The following ASIC2 variants were observed in gnomAD, a reference collection of about 807,000 sequenced individuals.
ASIC2 encodes the protein acid sensing ion channel subunit 2, also known as acid-sensing ion channel 2.
Under a neutral mutation model 57.3 loss-of-function variants are expected in ASIC2, and 25 were observed. That is an observed-to-expected ratio of 0.44 (90% confidence interval 0.32 to 0.61). ASIC2 has a LOEUF of 0.61. Ranked by LOEUF, ASIC2 falls within the 20% of genes least tolerant of loss-of-function variation. The pLI, the probability that ASIC2 is intolerant of heterozygous loss-of-function variation, is 0.06. For synonymous variants in ASIC2, 319 were observed against 307.5 expected, an observed-to-expected ratio of 1.04 and a Z score of -0.39; for missense variants, 641 against 738.1, an observed-to-expected ratio of 0.87 and a Z score of 1.52.
chr17:33,758,744 G>A (rs1316200698), intron 1 of ASIC2, among the ~76,000 whole-genome samples: 1 of 152,128 alleles, frequency 6.6e-6, no homozygotes, highest in Non-Finnish European at 1.5e-5. Context: ...GTGATACCCT[G>A]TGCCGCCCCA....
intron 1 of ASIC2, among the ~76,000 whole-genome samples, chr17:33,395,139 C>T (rs1344630054): frequency 2.6e-5 from 4 of 151,732 alleles, no homozygotes; most frequent in Non-Finnish European, 4.4e-5. Flanking sequence ...CTCATCCACA[C>T]ATTCCCCCCC....
chr17:33,880,011 T>C lies in ASIC2; in HGVS notation c.555+275967A>G, dbSNP rs1914660082. Among the ~76,000 whole-genome samples, 4 of 152,142 alleles carry C rather than the reference T, an allele frequency of 2.6e-5. No individual in the cohort carries two copies. The South Asian group carries it at 8.3e-4, about 32-fold the overall frequency. Reference sequence around the variant, plus strand: ...AACCTGCTCCTGAATGACTACTGGGTACATAACGAAATGAAGGCAGAAATA... The same window carrying C: ...AACCTGCTCCTGAATGACTACTGGGCACATAACGAAATGAAGGCAGAAATA... On this transcript the variant is annotated intron_variant, in intron 1 of 9. Coordinates refer to the ASIC2 transcript ENST00000359872.
At chr17:33,568,674 C>T (rs1197894570) in intron 1 of ASIC2, among the ~76,000 whole-genome samples, 11 of 152,180 alleles carry the variant, frequency 7.2e-5, no homozygotes, top group Non-Finnish European at 1.0e-4. Context: ...TCTAGATATA[C>T]ATAAACTATA....
chr17:33,526,675 T>A (rs1446483117), intron 1 of ASIC2, among the ~76,000 whole-genome samples: 1 of 152,148 alleles, frequency 6.6e-6, no homozygotes, highest in Non-Finnish European at 1.5e-5. Flanking sequence ...GCCAGGGCAT[T>A]GGTGGTACTC....
At chr17:33,823,529 T>C (rs141077761) in intron 1 of ASIC2, among the ~76,000 whole-genome samples, 1 of 152,324 alleles carries the variant, frequency 6.6e-6, no homozygotes, top group Non-Finnish European at 1.5e-5. Flanking sequence ...TCCAGCCGTG[T>C]CTGTGAGTAG....
At chr17:33,590,108 C>T (rs1169071970) in intron 1 of ASIC2, among the ~76,000 whole-genome samples, 1 of 152,160 alleles carries the variant, frequency 6.6e-6, no homozygotes, top group African/African-American at 2.4e-5. Flanking sequence ...AGAAGTGCGA[C>T]TCTGGGTTCA....
At chr17:33,100,748 A>G (rs1191247673) in intron 2 of ASIC2, among the ~76,000 whole-genome samples, 1 of 152,222 alleles carries the variant, frequency 6.6e-6, no homozygotes, top group African/African-American at 2.4e-5. Flanking sequence ...TGCCTGGCAC[A>G]CAGTAGGTAT....
chr17:33,688,575 G>A (rs1908267637), intron 1 of ASIC2, among the ~76,000 whole-genome samples: 1 of 152,184 alleles, frequency 6.6e-6, no homozygotes, highest in Non-Finnish European at 1.5e-5. Flanking sequence ...AGGGAACAAA[G>A]CGACTGTTGT....
At position 33,186,414 on chromosome 17, in the gene ASIC2, T is replaced by C. The variant is rs552523173; in HGVS notation, c.709-74347A>G. Among the ~76,000 whole-genome samples the C allele has an allele frequency of 1.2e-4, 19 of 152,294 alleles. No homozygotes were observed. The South Asian group carries it at 2.7e-3, about 22-fold the overall frequency. On this transcript the variant is annotated intron_variant, in intron 1 of 9. Transcript: ENST00000225823. ...GTATGAACCACCACCCCTGGCCTTA[T>C]ACATCATCTTAATGGGCATTTCTCG...
intron 1 of ASIC2, among the ~76,000 whole-genome samples, chr17:34,109,170 T>C (rs955506767): frequency 3.3e-5 from 5 of 152,128 alleles, no homozygotes; most frequent in African/African-American, 4.8e-5. Context: ...GTTGCGTCTT[T>C]TCTTATCTTT....
chr17:33,377,805 G>A (rs999329905), intron 1 of ASIC2, among the ~76,000 whole-genome samples: 9 of 152,208 alleles, frequency 5.9e-5, no homozygotes, highest in Admixed American at 5.9e-4. Context: ...ATATGACTCA[G>A]CCAGTTCAGA....
intron 1 of ASIC2, among the ~76,000 whole-genome samples, chr17:33,473,297 T>C: frequency 6.6e-6 from 1 of 152,190 alleles, no homozygotes; most frequent in East Asian, 1.9e-4. Flanking sequence ...TCCACCTAAT[T>C]GGTTTGAAAA....
intron 1 of ASIC2, among the ~76,000 whole-genome samples, chr17:34,060,274 C>A (rs545619579): frequency 1.3e-5 from 2 of 152,306 alleles, no homozygotes; most frequent in South Asian, 4.1e-4. Context: ...TCAGAGGAAG[C>A]CACATCCATA....
chr17:33,085,861 A>G (rs2092132194), intron 3 of ASIC2, among the ~76,000 whole-genome samples: 1 of 152,212 alleles, frequency 6.6e-6, no homozygotes, highest in South Asian at 2.1e-4. Context: ...CTATTAATAT[A>G]AATGAAATGA....
chr17:34,089,323 A>C (rs969483113), intron 1 of ASIC2, among the ~76,000 whole-genome samples: 1 of 152,138 alleles, frequency 6.6e-6, no homozygotes. Context: ...ACATATGCAC[A>C]TGCCAAATGG....
At chr17:33,356,858 C>T (rs1908400443) in intron 1 of ASIC2, among the ~76,000 whole-genome samples, 2 of 152,034 alleles carry the variant, frequency 1.3e-5, no homozygotes, top group Admixed American at 1.3e-4. Flanking sequence ...GTGTCTGTTG[C>T]TCACTGCTGC....
chr17:33,412,825 C>G (rs1216111776), intron 1 of ASIC2, among the ~76,000 whole-genome samples: 1 of 152,084 alleles, frequency 6.6e-6, no homozygotes, highest in Non-Finnish European at 1.5e-5. Flanking sequence ...AATTTGCACG[C>G]AAAGAAGGAG....
chr17:33,957,258 A>G (rs1904765860), intron 1 of ASIC2, among the ~76,000 whole-genome samples: 1 of 152,196 alleles, frequency 6.6e-6, no homozygotes, highest in South Asian at 2.1e-4. Context: ...GGCAACCTCA[A>G]GCACAAAGGC....
intron 1 of ASIC2, among the ~76,000 whole-genome samples, chr17:33,499,780 T>G (rs1914046897): frequency 6.6e-6 from 1 of 152,244 alleles, no homozygotes; most frequent in South Asian, 2.1e-4. Context: ...TCTGTTGGAT[T>G]GCACCTGAAG....
Sources: gnomAD v4.1 joint callset for allele counts (sites outside exome capture counted in the v4.1 genomes callset) on GRCh38, gnomAD v4.1.1 for gene constraint, MANE v1.5 for transcripts, NCBI Gene and HGNC (gene_info 2026-07-23, HGNC 2026-07-21) for gene names.